Variants in DLG2 observed in about 807,000 individuals in gnomAD.
DLG2 encodes the protein discs large MAGUK scaffold protein 2, also known as disks large homolog 2.
A neutral mutation model predicts 132.5 loss-of-function variants in DLG2; 45 were observed. The ratio of observed to expected loss-of-function variants is 0.34; its 90% CI spans 0.27 to 0.44. The LOEUF (loss-of-function observed/expected upper bound fraction) is 0.44. Among genes scored for constraint, DLG2 ranks in the 20% least tolerant of loss-of-function variants. The probability of loss-of-function intolerance (pLI) is 1.00; values close to 1 mark genes in which losing one functional copy is unlikely to be tolerated. For missense variants in DLG2, 1,045 were observed against 1,196.9 expected, an observed-to-expected ratio of 0.87 and a Z score of 1.87; for synonymous variants, 424 against 419.6, an observed-to-expected ratio of 1.01 and a Z score of -0.13.
At chr11:84,956,167 A>G (rs1165528658) in intron 6 of DLG2, among the ~76,000 whole-genome samples, 1 of 152,186 alleles carries the variant, frequency 6.6e-6, no homozygotes, top group Non-Finnish European at 1.5e-5. Context: ...ACAATCCCAG[A>G]CACTTAAGTT....
chr11:84,563,577 G>T (rs2099436650), intron 6 of DLG2, among the ~76,000 whole-genome samples: 2 of 152,216 alleles, frequency 1.3e-5, no homozygotes, highest in Admixed American at 6.5e-5. Context: ...AAATGGCACA[G>T]CTGCCAGGTG....
chr11:84,532,117 A>ATC (rs371681622), intron 7 of DLG2, among the ~76,000 whole-genome samples: 2 of 104,584 alleles, frequency 1.9e-5, no homozygotes, highest in African/African-American at 7.3e-5. Flanking sequence ...TGTTCTGTTC[A>ATC]TTTTTTTTTT....
At chr11:84,325,467 T>C (rs2098425955) in intron 7 of DLG2, among the ~76,000 whole-genome samples, 1 of 152,114 alleles carries the variant, frequency 6.6e-6, no homozygotes, top group Non-Finnish European at 1.5e-5. Flanking sequence ...AATAAATGTG[T>C]CAATTTTGTC....
chr11:83,851,103 G>A (rs558629314), intron 16 of DLG2, among the ~76,000 whole-genome samples: 1 of 151,922 alleles, frequency 6.6e-6, no homozygotes, highest in South Asian at 2.1e-4. Context: ...TGTGAACCTG[G>A]GAGGTGGAGC....
intron 7 of DLG2, among the ~76,000 whole-genome samples, chr11:84,283,015 C>T (rs1031081655): frequency 8.5e-5 from 13 of 152,096 alleles, no homozygotes; most frequent in Admixed American, 3.9e-4. Flanking sequence ...GAAGTATGTA[C>T]TATGTCATAT....
At chr11:84,104,553 A>G (rs1249060965) in intron 9 of DLG2, among the ~76,000 whole-genome samples, 1 of 152,162 alleles carries the variant, frequency 6.6e-6, no homozygotes, top group Admixed American at 6.5e-5. Flanking sequence ...AAATGTGCAC[A>G]TGAACCCCCA....
intron 6 of DLG2, among the ~76,000 whole-genome samples, chr11:85,011,001 G>A (rs1301295711): frequency 6.6e-6 from 1 of 152,094 alleles, no homozygotes; most frequent in African/African-American, 2.4e-5. Context: ...AGACAAGAAA[G>A]AGATTCATTA....
chr11:84,542,657 A>T (rs1411372668), intron 6 of DLG2, among the ~76,000 whole-genome samples: 1 of 152,172 alleles, frequency 6.6e-6, no homozygotes, highest in Non-Finnish European at 1.5e-5. Context: ...AGAAGTTGGT[A>T]AAAACAAAAT....
chr11:84,056,926 C>CGCAAGA (rs2096511749), intron 11 of DLG2, among the ~76,000 whole-genome samples: 1 of 152,130 alleles, frequency 6.6e-6, no homozygotes, highest in African/African-American at 2.4e-5. Context: ...ACAGGAATTT[C>CGCAAGA]GCAAGAGCCT....
intron 3 of DLG2, among the ~76,000 whole-genome samples, chr11:85,391,868 G>C (rs981248886): frequency 1.3e-5 from 2 of 152,014 alleles, no homozygotes; most frequent in African/African-American, 4.8e-5. Context: ...TCCCTGCTGA[G>C]AACTGGACCA....
At chr11:84,312,243 G>A (rs924622933) in intron 7 of DLG2, among the ~76,000 whole-genome samples, 1 of 152,054 alleles carries the variant, frequency 6.6e-6, no homozygotes, top group Non-Finnish European at 1.5e-5. Context: ...AGGCTGAGGC[G>A]GGCAGATCAC....
intron 6 of DLG2, chr11:84,720,430 G>C (rs1280683631): frequency 1.0e-6 from 1 of 985,402 alleles, no homozygotes; most frequent in South Asian, 4.7e-5. Flanking sequence ...CAGCTCGCTG[G>C]GGGACCCAAA....
chr11:85,268,996 A>T (rs2077374619), intron 4 of DLG2, among the ~76,000 whole-genome samples: 2 of 152,222 alleles, frequency 1.3e-5, no homozygotes, highest in Admixed American at 1.3e-4. Context: ...CATAATAGAA[A>T]TAGTAAGCTC....
At chr11:83,599,178 G>C (rs1044669147) in intron 19 of DLG2, among the ~76,000 whole-genome samples, 2 of 152,138 alleles carry the variant, frequency 1.3e-5, no homozygotes, top group Non-Finnish European at 2.9e-5. Context: ...TTCTTTCAAT[G>C]GCTCTCTATG....
intron 18 of DLG2, among the ~76,000 whole-genome samples, chr11:83,642,176 C>T (rs1333638190): frequency 6.6e-6 from 1 of 152,150 alleles, no homozygotes; most frequent in Non-Finnish European, 1.5e-5. Context: ...TAACACCTGG[C>T]ATAGCGTGTG....
intron 6 of DLG2, among the ~76,000 whole-genome samples, chr11:84,625,194 TA>T (rs2099620613): frequency 6.6e-6 from 1 of 152,050 alleles, no homozygotes; most frequent in Non-Finnish European, 1.5e-5. Flanking sequence ...CAAAAGTCCT[TA>T]AAAATTTGAA....
chr11:85,521,200 G>T (rs1383953377), intron 3 of DLG2, among the ~76,000 whole-genome samples: 1 of 152,176 alleles, frequency 6.6e-6, no homozygotes, highest in Admixed American at 6.5e-5. Context: ...GACCTTGTAG[G>T]AGGTGATTAA....
At chr11:84,835,151 A>G (rs1954975) in intron 6 of DLG2, among the ~76,000 whole-genome samples, 3,720 of 151,766 alleles carry the variant, frequency 0.025, 176 homozygotes, top group African/African-American at 0.086. Flanking sequence ...TCTGTTTTAT[A>G]TTTACTCTGG....
At position 85,589,284 on chromosome 11, in the gene DLG2, G is replaced by A. The variant is rs147188156; in HGVS notation, c.40+9373C>T. Among the ~76,000 whole-genome samples, 470 of 152,276 alleles carry A rather than the reference G, an allele frequency of 3.1e-3. 3 individuals carry two copies. Among genetic ancestry groups the A allele is most frequent in the African/African-American group, 0.011 (452 of 41,556 alleles). On this transcript the variant is annotated intron_variant, in intron 3 of 27. Transcript: ENST00000376104. ...TATTCTGTCATTGAGTTGCTGCAAC[G>A]TCCTGAGTTGGTCAGACTACAGGCA...
Sources: gnomAD v4.1 joint callset for allele counts (sites outside exome capture counted in the v4.1 genomes callset) on GRCh38, gnomAD v4.1.1 for gene constraint, MANE v1.5 for transcripts, NCBI Gene and HGNC (gene_info 2026-07-23, HGNC 2026-07-21) for gene names.